Variants in PRMT8 observed in about 807,000 individuals in gnomAD.
The protein encoded by PRMT8 is protein arginine N-methyltransferase 8.
PRMT8 carries 7 observed loss-of-function variants against 47.1 expected under a neutral mutation model. The ratio of observed to expected loss-of-function variants is 0.15; its 90% CI spans 0.08 to 0.28. PRMT8 has a LOEUF of 0.28. Among genes scored for constraint, PRMT8 ranks in the 10% least tolerant of loss-of-function variants. The pLI, the probability that PRMT8 is intolerant of heterozygous loss-of-function variation, is 1.00. For missense variants in PRMT8, 237 were observed against 505.4 expected, an observed-to-expected ratio of 0.47 and a Z score of 5.09; for synonymous variants, 188 against 186.5, an observed-to-expected ratio of 1.01 and a Z score of -0.07.
At chr12:3,558,687 C>T (rs1012410360) in intron 4 of PRMT8, among the ~76,000 whole-genome samples, 1 of 152,148 alleles carries the variant, frequency 6.6e-6, no homozygotes, top group Non-Finnish European at 1.5e-5. Flanking sequence ...TGGGATTGTG[C>T]GCTGGTTCCT....
intron 1 of PRMT8, among the ~76,000 whole-genome samples, chr12:3,531,751 G>A (rs1052355206): frequency 6.6e-6 from 1 of 152,248 alleles, no homozygotes. Context: ...AGGTCACGAA[G>A]CCTGAAGGTG....
chr12:3,577,316 T>G (rs61907725), intron 7 of PRMT8, among the ~76,000 whole-genome samples: 15,085 of 152,254 alleles, frequency 0.099, 857 homozygotes, highest in Non-Finnish European at 0.14. Context: ...TTTGGGGCAG[T>G]TGGTCCATTC....
chr12:3,542,378 C>T (rs1866246846), intron 2 of PRMT8, among the ~76,000 whole-genome samples: 1 of 152,194 alleles, frequency 6.6e-6, no homozygotes, highest in South Asian at 2.1e-4. Flanking sequence ...TGAACTCTTA[C>T]CCCTTCCTTG....
chr12:3,531,479 C>A (rs1866029581), intron 1 of PRMT8, among the ~76,000 whole-genome samples: 1 of 152,166 alleles, frequency 6.6e-6, no homozygotes, highest in South Asian at 2.1e-4. Flanking sequence ...GAAAACAGCC[C>A]CAGTTTATTT....
chr12:3,451,940 GC>G (rs1864923215), intron 1 of PRMT8, among the ~76,000 whole-genome samples: 1 of 152,294 alleles, frequency 6.6e-6, no homozygotes, highest in South Asian at 2.1e-4. Flanking sequence ...GATAGATGCG[GC>G]TTCTCCACAT....
At position 3,456,829 on chromosome 12, in the gene PRMT8, C is replaced by T. The variant is rs1864978491; in HGVS notation, c.48+75387C>T. Among the ~76,000 whole-genome samples, 1 of 152,134 alleles carries T rather than the reference C, an allele frequency of 6.6e-6. No individual in the cohort carries two copies. Among genetic ancestry groups the T allele is most frequent in the Non-Finnish European group, 1.5e-5 (1 of 68,022 alleles). On this transcript the variant is annotated intron_variant, in intron 1 of 9. Coordinates refer to the PRMT8 transcript ENST00000452611. This position sits in a 1 kb window ranked among gnomAD's most constrained non-coding sequence, Gnocchi z 4.2. ...ACAAAGAGAATCGAACCCCTCTAGC[C>T]AGGAAAGCAGATCAACAACAGAACA... is the stretch of plus-strand genomic sequence containing the variant.
At chr12:3,592,482 G>A in intron 9 of PRMT8, 130 bp downstream of exon 9, 6 of 997,820 alleles carry the variant, frequency 6.0e-6, no homozygotes, top group Non-Finnish European at 8.6e-6. Flanking sequence ...GCAGTCGGTA[G>A]CCACATGTGG....
At chr12:3,434,926 C>T (rs1591548981) in intron 1 of PRMT8, among the ~76,000 whole-genome samples, 1 of 150,388 alleles carries the variant, frequency 6.6e-6, no homozygotes, top group East Asian at 1.9e-4. Context: ...ACAAAGATCT[C>T]AGAGGTAGAG....
intron 1 of PRMT8, among the ~76,000 whole-genome samples, chr12:3,474,261 T>A (rs1277770997): frequency 6.6e-6 from 1 of 152,194 alleles, no homozygotes; most frequent in Non-Finnish European, 1.5e-5. Flanking sequence ...CCTGGCAGCA[T>A]TTTTGCTGTG....
chr12:3,448,951 T>C (rs1210620583), intron 1 of PRMT8, among the ~76,000 whole-genome samples: 2 of 152,142 alleles, frequency 1.3e-5, no homozygotes, highest in African/African-American at 2.4e-5. Flanking sequence ...TGTGTTCTCA[T>C]TGTTCAGCTC....
intron 1 of PRMT8, among the ~76,000 whole-genome samples, chr12:3,525,526 C>T (rs905288151): frequency 2.0e-5 from 3 of 152,180 alleles, no homozygotes; most frequent in Non-Finnish European, 2.9e-5. Context: ...GGCTTCAGGA[C>T]CCACAGATAT....
upstream of PRMT8, among the ~76,000 whole-genome samples, chr12:3,489,879 T>A (rs1591566722): frequency 6.6e-6 from 1 of 151,934 alleles, no homozygotes; most frequent in East Asian, 1.9e-4. Flanking sequence ...TGCTACATTT[T>A]CATCCTTCTC....
chr12:3,463,604 T>C (rs970451090), intron 1 of PRMT8: 5 of 152,178 alleles, frequency 3.3e-5, no homozygotes, highest in African/African-American at 1.2e-4. Flanking sequence ...TTAAAATAAT[T>C]AATTTTAGAG....
chr12:3,388,533 G>A (rs958888773), intron 1 of PRMT8, among the ~76,000 whole-genome samples: 1 of 152,194 alleles, frequency 6.6e-6, no homozygotes, highest in African/African-American at 2.4e-5. Context: ...TTTGTCTAAT[G>A]TTTTTAGTAT....
intron 1 of PRMT8, among the ~76,000 whole-genome samples, chr12:3,389,827 G>C (rs1864175414): frequency 6.6e-6 from 1 of 152,246 alleles, no homozygotes; most frequent in African/African-American, 2.4e-5. Flanking sequence ...AGGAAAGAGA[G>C]GGCAAGTATG....
Position 3,583,685 on chromosome 12 carries a change from G to T in PRMT8, c.979+477G>T, listed in dbSNP as rs974571205. ...CCAACCCATCCTTCATTAAATCTCT[G>T]TTGGTGTTCCCCCAAGATCACCCCA... On this transcript the variant is annotated intron_variant, in intron 8 of 9. Transcript: ENST00000382622. This position sits in a 1 kb window ranked among gnomAD's most constrained non-coding sequence, Gnocchi z 4.7. Among the ~76,000 whole-genome samples, 1 of 152,088 alleles carries T rather than the reference G, an allele frequency of 6.6e-6. No homozygotes were observed. Among genetic ancestry groups the T allele is most frequent in the African/African-American group, 2.4e-5 (1 of 41,388 alleles).
At chr12:3,541,440 C>A (rs1045616714) in intron 2 of PRMT8, among the ~76,000 whole-genome samples, 2 of 152,202 alleles carry the variant, frequency 1.3e-5, no homozygotes, top group African/African-American at 4.8e-5. Context: ...ATTATAATCT[C>A]CAGCACTCTC....
Position 3,453,312 on chromosome 12 carries a change from C to T in PRMT8, c.48+71870C>T, listed in dbSNP as rs913172417. Among the ~76,000 whole-genome samples the T allele has an allele frequency of 6.6e-6, 1 of 152,162 alleles. No individual in the cohort carries two copies. The highest frequency in any genetic ancestry group is 2.4e-5 in the African/African-American group (1 of 41,448). On this transcript the variant is annotated intron_variant, in intron 1 of 9. Coordinates refer to the PRMT8 transcript ENST00000452611. The surrounding 1 kb of genome is among the most constrained non-coding windows in gnomAD (Gnocchi z 4.9). Reference sequence around the variant, plus strand: ...ATGACCAAACAGCACCCTTAGGACTCCTGGGCCTCGGGCCCCAGTGTTGAG... The same window carrying T: ...ATGACCAAACAGCACCCTTAGGACTTCTGGGCCTCGGGCCCCAGTGTTGAG...
At chr12:3,498,382 A>G (rs1046576339) in intron 1 of PRMT8, among the ~76,000 whole-genome samples, 1 of 152,196 alleles carries the variant, frequency 6.6e-6, no homozygotes, top group Admixed American at 6.5e-5. Flanking sequence ...TAACAGCAGG[A>G]ATGTGGAATG....
Sources: gnomAD v4.1 joint callset for allele counts (sites outside exome capture counted in the v4.1 genomes callset) on GRCh38, gnomAD v4.1.1 for gene constraint, Gnocchi (gnomAD v3.1) non-coding constraint, MANE v1.5 for transcripts, NCBI Gene and HGNC (gene_info 2026-07-23, HGNC 2026-07-21) for gene names.